PPARGC1A: variants seen among roughly 807,000 people sequenced by gnomAD.
The protein encoded by PPARGC1A is PPARG coactivator 1 alpha.
PPARGC1A carries 25 observed loss-of-function variants against 88.7 expected under a neutral mutation model. The observed-to-expected ratio is 0.28, with a 90% CI of 0.21 to 0.39. PPARGC1A has a LOEUF of 0.39. PPARGC1A is among the 10% of genes least tolerant of loss of function. PPARGC1A has a pLI of 1.00. For missense variants in PPARGC1A, 880 were observed against 968.7 expected (o/e 0.91, Z 1.22); for synonymous variants, 363 against 355.6 (o/e 1.02, Z -0.24).
At chr4:23,987,401 T>C in the PPARGC1A span, among the ~76,000 whole-genome samples, 1 of 152,014 alleles carries the variant, frequency 6.6e-6, no homozygotes, top group African/African-American at 2.4e-5. Flanking sequence ...CTAAAATATA[T>C]TCCAGCCCTC....
At chr4:24,392,250 T>TA in the PPARGC1A span, among the ~76,000 whole-genome samples, 1 of 151,684 alleles carries the variant, frequency 6.6e-6, no homozygotes, top group Non-Finnish European at 1.5e-5. Flanking sequence ...AGGCTTTTTT[T>TA]AAAAAAAATA....
At chr4:24,190,234 G>A in the PPARGC1A span, among the ~76,000 whole-genome samples, 1 of 152,152 alleles carries the variant, frequency 6.6e-6, no homozygotes, top group Admixed American at 6.5e-5. Flanking sequence ...AATAAAATAT[G>A]GGCGGGTACG....
At chr4:24,104,356 G>T in the PPARGC1A span, among the ~76,000 whole-genome samples, 1 of 152,154 alleles carries the variant, frequency 6.6e-6, no homozygotes, top group Non-Finnish European at 1.5e-5. Flanking sequence ...GTGTGAAATA[G>T]GCTGTGTGGA....
the PPARGC1A span, among the ~76,000 whole-genome samples, chr4:24,206,652 T>C: frequency 4.0e-5 from 6 of 151,786 alleles, no homozygotes; most frequent in African/African-American, 1.5e-4. Context: ...GCCAACATGG[T>C]GAAACTCCAC....
chr4:24,058,319 C>G, the PPARGC1A span, among the ~76,000 whole-genome samples: 1 of 152,162 alleles, frequency 6.6e-6, no homozygotes, highest in Non-Finnish European at 1.5e-5. Context: ...TGAGACAGTT[C>G]TCTGTCATTT....
the PPARGC1A span, among the ~76,000 whole-genome samples, chr4:24,395,916 A>G: frequency 1.3e-5 from 2 of 152,276 alleles, no homozygotes; most frequent in Admixed American, 6.5e-5. Context: ...TTAAAAAATA[A>G]TTACATTATT....
the PPARGC1A span, among the ~76,000 whole-genome samples, chr4:24,025,855 G>A: frequency 1.4e-3 from 208 of 152,142 alleles, no homozygotes; most frequent in Non-Finnish European, 2.5e-3. Context: ...GGGGAAAGGA[G>A]GAGGAGGAAA....
the PPARGC1A span, among the ~76,000 whole-genome samples, chr4:24,455,016 C>T: frequency 3.5e-4 from 53 of 152,056 alleles, no homozygotes; most frequent in African/African-American, 1.1e-3. Flanking sequence ...AAGAGGAAAC[C>T]GATGAAATAC....
the PPARGC1A span, among the ~76,000 whole-genome samples, chr4:24,420,316 C>A: frequency 6.6e-6 from 1 of 152,038 alleles, no homozygotes; most frequent in Admixed American, 6.6e-5. Context: ...ATGGGATGTG[C>A]TTTTTTTAAT....
chr4:24,076,522 T>A, the PPARGC1A span, among the ~76,000 whole-genome samples: 1 of 152,146 alleles, frequency 6.6e-6, no homozygotes, highest in African/African-American at 2.4e-5. Context: ...TCATTCAACA[T>A]GGAGATGTGG....
At chr4:24,296,002 G>GTGTGTATA in the PPARGC1A span, among the ~76,000 whole-genome samples, 2 of 149,518 alleles carry the variant, frequency 1.3e-5, no homozygotes, top group South Asian at 2.1e-4. Flanking sequence ...ATATGTGTAT[G>GTGTGTATA]TATGTGTGTA....
the PPARGC1A span, among the ~76,000 whole-genome samples, chr4:24,015,494 C>T: frequency 6.6e-6 from 1 of 152,082 alleles, no homozygotes. Context: ...TTTGCAGCAA[C>T]AATGAAGTCC....
At chr4:24,044,652 G>T in the PPARGC1A span, among the ~76,000 whole-genome samples, 1 of 152,228 alleles carries the variant, frequency 6.6e-6, no homozygotes, top group Admixed American at 6.5e-5. Context: ...TATACATTCA[G>T]CTTGCAGAAC....
At chr4:24,206,840 T>TAAAAAAAA in the PPARGC1A span, among the ~76,000 whole-genome samples, 1 of 43,680 alleles carries the variant, frequency 2.3e-5, no homozygotes, top group African/African-American at 7.4e-5. Context: ...GACTTCACCT[T>TAAAAAAAA]AAAAAAAAAA....
the PPARGC1A span, among the ~76,000 whole-genome samples, chr4:24,206,441 A>G: frequency 1.3e-5 from 2 of 152,384 alleles, no homozygotes; most frequent in East Asian, 3.9e-4. Flanking sequence ...GTTACATGAA[A>G]GAAAAATCAG....
At chr4:24,092,011 G>A in the PPARGC1A span, among the ~76,000 whole-genome samples, 2 of 151,948 alleles carry the variant, frequency 1.3e-5, no homozygotes, top group African/African-American at 4.8e-5. Context: ...CAGTGGGCTG[G>A]TGTATCCTAG....
the PPARGC1A span, among the ~76,000 whole-genome samples, chr4:24,471,828 CA>C: frequency 6.6e-6 from 1 of 152,124 alleles, no homozygotes; most frequent in Admixed American, 6.5e-5. This position sits in a 1 kb window ranked among gnomAD's most constrained non-coding sequence, Gnocchi z 5.4. Flanking sequence ...CTCTGCACCC[CA>C]CCCCCCCCAC....
intron 7 of PPARGC1A, among the ~76,000 whole-genome samples, chr4:23,821,734 T>C (rs188523141): frequency 1.3e-5 from 2 of 152,116 alleles, no homozygotes; most frequent in East Asian, 3.9e-4. Context: ...CAGTGAGATG[T>C]AGGTATTGTA....
the PPARGC1A span, among the ~76,000 whole-genome samples, chr4:24,051,832 A>T: frequency 0.84 from 127,090 of 151,574 alleles, 53,743 homozygotes; most frequent in South Asian, 0.92. Flanking sequence ...CTGGGAGGTG[A>T]GATTATGGAG....
Sources: gnomAD v4.1 joint callset for allele counts (sites outside exome capture counted in the v4.1 genomes callset) on GRCh38, gnomAD v4.1.1 for gene constraint, Gnocchi (gnomAD v3.1) non-coding constraint, MANE v1.5 for transcripts, NCBI Gene and HGNC (gene_info 2026-07-23, HGNC 2026-07-21) for gene names.